JAML: variants seen among roughly 807,000 people sequenced by gnomAD.
The protein encoded by JAML is junction adhesion molecule like.
Under a neutral mutation model 39.3 loss-of-function variants are expected in JAML, and 25 were observed. The observed-to-expected ratio is 0.64, with a 90% CI of 0.46 to 0.89. The LOEUF (loss-of-function observed/expected upper bound fraction) is 0.89, where lower values mean the gene tolerates loss of function less well. Ranked by LOEUF, JAML falls within the 40% of genes least tolerant of loss-of-function variation. The pLI is 0.00. For synonymous variants in JAML, 162 were observed against 179.2 expected (o/e 0.90, Z 0.77); for missense variants, 440 against 486.9 (o/e 0.90, Z 0.91).
rs775353329 is a variant in JAML, at chr11:118,200,588, C to T, written c.797G>A (p.Arg266Lys). 2.5e-6 allele frequency: 4 copies of T among 1,614,020 alleles called. No homozygotes were observed. The highest frequency in any genetic ancestry group is 3.4e-6 in the Non-Finnish European group (4 of 1,180,032). ...PRTLVTPAALRPLVLGGNQLV... is the reference protein window; with the variant it reads ...PRTLVTPAALKPLVLGGNQLV... ...CTGATTACCACCCAAGACCAGAGGCCTCAGGGCTGCCGGGGTCACCAGTGC... is the reference window on the plus strand; with the variant it reads ...CTGATTACCACCCAAGACCAGAGGCTTCAGGGCTGCCGGGGTCACCAGTGC... Residue 266 changes from arginine to lysine, a missense_variant, in exon 7 of 10, where the codon AGG (arginine) becomes AAG (lysine). By Grantham distance (26) the Arg-to-Lys change is conservative. Transcript: ENST00000356289.
At chr11:118,215,754 G>C (rs1413738133) in intron 1 of JAML, among the ~76,000 whole-genome samples, 1 of 152,074 alleles carries the variant, frequency 6.6e-6, no homozygotes, top group African/African-American at 2.4e-5. Flanking sequence ...TGTTTGATAT[G>C]CATGTTATCT....
At chr11:118,199,938 C>T (rs917202337) in intron 7 of JAML, among the ~76,000 whole-genome samples, 7 of 152,112 alleles carry the variant, frequency 4.6e-5, no homozygotes, top group South Asian at 4.1e-4. Context: ...CCTCGTGATC[C>T]GCCCGCCTTG....
rs1370330752 is a variant in JAML at position 118,222,291 on chromosome 11, G to T, written c.-21+2650C>A. Among the ~76,000 whole-genome samples the T allele has an allele frequency of 6.6e-6, 1 of 152,108 alleles. No individual in the cohort carries two copies. Among genetic ancestry groups the T allele is most frequent in the African/African-American group, 2.4e-5 (1 of 41,420 alleles). The stretch of plus-strand genomic sequence containing the variant: ...AAAAATTAGCTGGATGTAGTGGCAG[G>T]CACCTGTAGTCCTAGCTACTCAGGA... On this transcript the variant is annotated intron_variant, in intron 1 of 9. Coordinates refer to ENST00000356289, the MANE Select transcript of JAML (RefSeq NM_001098526.2). The surrounding 1 kb of genome is among the most constrained non-coding windows in gnomAD (Gnocchi z 4.2).
chr11:118,213,836 G>A (rs544077190), intron 2 of JAML, among the ~76,000 whole-genome samples: 3 of 152,252 alleles, frequency 2.0e-5, no homozygotes, highest in Admixed American at 2.0e-4. Context: ...GGATCGGAGG[G>A]CAAAAACCTG....
intron 9 of JAML, 70 bp downstream of exon 9, chr11:118,196,665 A>G: frequency 7.1e-7 from 1 of 1,402,484 alleles, no homozygotes; most frequent in East Asian, 2.3e-5. Context: ...TGGGCAACCC[A>G]GCCACGCCCA....
chr11:118,200,823 G>T (rs73593827), intron 6 of JAML: 2 of 505,046 alleles, frequency 4.0e-6, no homozygotes, highest in Non-Finnish European at 7.1e-6. Flanking sequence ...AGATTAAGGT[G>T]GGTGGGAGAA....
chr11:118,215,668 T>C (rs1224584789), intron 1 of JAML, among the ~76,000 whole-genome samples: 1 of 143,304 alleles, frequency 7.0e-6, no homozygotes, highest in Non-Finnish European at 1.5e-5. Context: ...TTTTATCTTA[T>C]TTTTCTTTTT....
intron 2 of JAML, among the ~76,000 whole-genome samples, chr11:118,214,530 G>A (rs1399657453): frequency 1.3e-5 from 2 of 152,162 alleles, no homozygotes; most frequent in African/African-American, 4.8e-5. Flanking sequence ...ACAATTTAAA[G>A]TGCAGGAATG....
intron 4 of JAML, among the ~76,000 whole-genome samples, chr11:118,208,363 G>C (rs1948967276): frequency 6.6e-6 from 1 of 152,142 alleles, no homozygotes; most frequent in Non-Finnish European, 1.5e-5. Context: ...ATTAGGAGAG[G>C]GGCCAGAGGC....
At chr11:118,195,558 C>T (rs934123263) in intron 9 of JAML, among the ~76,000 whole-genome samples, 8 of 152,162 alleles carry the variant, frequency 5.3e-5, no homozygotes, top group Non-Finnish European at 8.8e-5. Flanking sequence ...ACTGCACGCC[C>T]CGAGGTGCCT....
chr11:118,199,365 A>G (rs1238421599), intron 7 of JAML, among the ~76,000 whole-genome samples: 1 of 152,200 alleles, frequency 6.6e-6, no homozygotes, highest in Non-Finnish European at 1.5e-5. Flanking sequence ...AGGCCAGCCA[A>G]GTTCAAAACC....
At chr11:118,213,237 A>C (rs1591478470) in intron 2 of JAML, 1 of 1,255,178 alleles carries the variant, frequency 8.0e-7, no homozygotes, top group East Asian at 3.6e-5. Context: ...CGGTCACTAC[A>C]AGAAAAAACC....
chr11:118,206,081 C>A, intron 4 of JAML, 90 bp from the exon 5 acceptor site: 2 of 1,140,140 alleles, frequency 1.8e-6, no homozygotes, highest in Admixed American at 1.8e-5. Context: ...TAGCCAAAGA[C>A]CCTCAGCAGC....
chr11:118,207,724 G>A (rs962357784), intron 4 of JAML, among the ~76,000 whole-genome samples: 4 of 151,954 alleles, frequency 2.6e-5, no homozygotes, highest in African/African-American at 9.7e-5. Context: ...TTAGGGGTTG[G>A]ATCTATTCCC....
intron 2 of JAML, among the ~76,000 whole-genome samples, chr11:118,214,595 A>T (rs984902880): frequency 6.6e-6 from 1 of 152,186 alleles, no homozygotes; most frequent in African/African-American, 2.4e-5. Flanking sequence ...ACCCTTTAGG[A>T]CCCAAATGCA....
intron 4 of JAML, among the ~76,000 whole-genome samples, chr11:118,207,811 C>A (rs1173855444): frequency 6.6e-6 from 1 of 152,160 alleles, no homozygotes; most frequent in Non-Finnish European, 1.5e-5. Flanking sequence ...TCTAACATTG[C>A]CCTAGCCTGT....
rs73593826 is a variant in JAML, at chr11:118,200,766, A to G, written c.773-154T>C. 888 of 796,268 alleles carry G rather than the reference A, an allele frequency of 1.1e-3. 6 individuals carry two copies. The African/African-American group carries it at 0.013, about 12-fold the overall frequency. The allele number at this position is 796,268 out of a possible 1,614,324, so 49.3% of individuals were successfully genotyped here. A position where few individuals can be genotyped will look rare whatever the true frequency, so the allele number is the denominator to read the frequency against. On this transcript the variant is annotated intron_variant, in intron 6 of 9. Coordinates refer to ENST00000356289, the MANE Select transcript of JAML (RefSeq NM_001098526.2). ...TCTGGACACTAGGGACACTGTCTCC[A>G]TGAGATTGAGAACCAAAGTCTAACC...
At chr11:118,204,176 T>C (rs963731236) in intron 5 of JAML, 7 of 172,014 alleles carry the variant, frequency 4.1e-5, no homozygotes, top group Admixed American at 2.7e-4. Context: ...CAGCAAATCC[T>C]ATCACCTCTA....
intron 7 of JAML, among the ~76,000 whole-genome samples, chr11:118,199,939 G>T (rs376671438): frequency 2.0e-5 from 3 of 151,904 alleles, no homozygotes; most frequent in Non-Finnish European, 4.4e-5. Flanking sequence ...CTCGTGATCC[G>T]CCCGCCTTGG....
Sources: gnomAD v4.1 joint callset for allele counts (sites outside exome capture counted in the v4.1 genomes callset) on GRCh38, gnomAD v4.1.1 for gene constraint, Gnocchi (gnomAD v3.1) non-coding constraint, MANE v1.5 for transcripts, NCBI Gene and HGNC (gene_info 2026-07-23, HGNC 2026-07-21) for gene names.